The following GRIA1 variants were observed in gnomAD, a reference collection of about 807,000 sequenced individuals.
GRIA1 encodes glutamate ionotropic receptor AMPA type subunit 1.
Under a neutral mutation model 99.2 loss-of-function variants are expected in GRIA1, and 31 were observed. The observed-to-expected ratio is 0.31, with a 90% CI of 0.23 to 0.42. GRIA1 has a LOEUF of 0.42. Among genes scored for constraint, GRIA1 ranks in the 10% least tolerant of loss-of-function variants. GRIA1 has a pLI of 1.00. For synonymous variants in GRIA1, 438 were observed against 432.4 expected, an observed-to-expected ratio of 1.01 and a Z score of -0.16; for missense variants, 782 against 1,157.5, an observed-to-expected ratio of 0.68 and a Z score of 4.71.
intron 13 of GRIA1, among the ~76,000 whole-genome samples, chr5:153,788,369 T>A (rs980791002): frequency 1.3e-5 from 2 of 152,170 alleles, no homozygotes; most frequent in Non-Finnish European, 2.9e-5. Context: ...CTTGCCTCCC[T>A]TTAGTCCCTT....
intron 5 of GRIA1, among the ~76,000 whole-genome samples, chr5:153,665,361 G>A (rs1025928231): frequency 2.0e-5 from 3 of 152,136 alleles, no homozygotes; most frequent in Non-Finnish European, 4.4e-5. Flanking sequence ...AAATGTAACT[G>A]GATAAGTCAA....
At chr5:153,556,868 T>G (rs1760692194) in intron 2 of GRIA1, among the ~76,000 whole-genome samples, 1 of 152,204 alleles carries the variant, frequency 6.6e-6, no homozygotes, top group Non-Finnish European at 1.5e-5. Context: ...TGCTTGAATA[T>G]CACAGAGTGT....
At chr5:153,746,193 G>A (rs1472478134) in intron 11 of GRIA1, among the ~76,000 whole-genome samples, 1 of 152,074 alleles carries the variant, frequency 6.6e-6, no homozygotes, top group Non-Finnish European at 1.5e-5. Context: ...TGAAGAATTG[G>A]CTGGGGAGTT....
At chr5:153,646,691 G>A (rs1040143294) in intron 2 of GRIA1, among the ~76,000 whole-genome samples, 28 of 152,166 alleles carry the variant, frequency 1.8e-4, no homozygotes, top group Admixed American at 3.9e-4. Context: ...ATGAGGCATC[G>A]AACAGGTGAA....
chr5:153,768,304 G>A (rs1299622950), intron 12 of GRIA1, among the ~76,000 whole-genome samples: 1 of 152,040 alleles, frequency 6.6e-6, no homozygotes, highest in Non-Finnish European at 1.5e-5. Context: ...TTCAGGTAAA[G>A]AATCAGATAC....
At chr5:153,505,376 T>C (rs1191787964) in intron 2 of GRIA1, among the ~76,000 whole-genome samples, 1 of 152,176 alleles carries the variant, frequency 6.6e-6, no homozygotes, top group African/African-American at 2.4e-5. Flanking sequence ...ACTTCCTGCT[T>C]CATTAATGTC....
chr5:153,594,520 T>TA (rs1436175098), intron 2 of GRIA1, among the ~76,000 whole-genome samples: 4 of 152,224 alleles, frequency 2.6e-5, no homozygotes, highest in African/African-American at 9.6e-5. Flanking sequence ...ATTCATACTC[T>TA]AGAATGAGTG....
chr5:153,501,356 T>C (rs1217735714), intron 2 of GRIA1, among the ~76,000 whole-genome samples: 1 of 152,154 alleles, frequency 6.6e-6, no homozygotes, highest in African/African-American at 2.4e-5. Context: ...GCCATGATTC[T>C]ATGAAAGCAT....
At chr5:153,807,932 A>C (rs1040878623) in intron 15 of GRIA1, among the ~76,000 whole-genome samples, 1 of 152,230 alleles carries the variant, frequency 6.6e-6, no homozygotes, top group African/African-American at 2.4e-5. Context: ...AACATAGGGC[A>C]TGTTTAAGCT....
At chr5:153,660,328 T>C (rs984674785) in intron 5 of GRIA1, among the ~76,000 whole-genome samples, 1 of 152,198 alleles carries the variant, frequency 6.6e-6, no homozygotes, top group Non-Finnish European at 1.5e-5. Context: ...AACACTTAAA[T>C]GCATGTCAAT....
At chr5:153,571,498 AT>A (rs1270789846) in intron 2 of GRIA1, among the ~76,000 whole-genome samples, 2 of 152,108 alleles carry the variant, frequency 1.3e-5, no homozygotes, top group Non-Finnish European at 2.9e-5. Context: ...ATTTCATATA[AT>A]TTTCATGTGT....
chr5:153,774,797 C>T (rs184800548), intron 13 of GRIA1, among the ~76,000 whole-genome samples: 1 of 152,238 alleles, frequency 6.6e-6, no homozygotes, highest in African/African-American at 2.4e-5. Context: ...GTCTACTTGG[C>T]AGAAGCCAGG....
intron 12 of GRIA1, among the ~76,000 whole-genome samples, chr5:153,769,061 C>T (rs1027431030): frequency 2.0e-5 from 3 of 152,108 alleles, no homozygotes; most frequent in African/African-American, 7.2e-5. Flanking sequence ...GAAGACATTC[C>T]CTCAGGTAGC....
chr5:153,629,385 T>C lies in GRIA1; in HGVS notation c.221-17543T>C, dbSNP rs1338729571. Among the ~76,000 whole-genome samples the C allele has an allele frequency of 3.9e-5, 6 of 152,316 alleles. No homozygotes were observed. The South Asian group carries it at 1.2e-3, about 32-fold the overall frequency. On this transcript the variant is annotated intron_variant, in intron 2 of 15. Coordinates refer to ENST00000285900, the MANE Select transcript of GRIA1 (RefSeq NM_000827.4). ...TGAGAAGATTGGAAACACTTTAAAC[T>C]GTCTCAGCATTGAAGAAAGTGAGAA...
At chr5:153,719,284 G>A (rs1300356158) in intron 11 of GRIA1, among the ~76,000 whole-genome samples, 3 of 151,848 alleles carry the variant, frequency 2.0e-5, no homozygotes, top group Admixed American at 6.6e-5. Context: ...CACTATTGCT[G>A]TATAACAAAC....
At chr5:153,778,624 T>C (rs1320380277) in intron 13 of GRIA1, among the ~76,000 whole-genome samples, 1 of 148,936 alleles carries the variant, frequency 6.7e-6, no homozygotes, top group Non-Finnish European at 1.5e-5. Context: ...ATTCAGATAA[T>C]AAAGATTATT....
At chr5:153,702,077 T>TGAA (rs2149516897) in intron 10 of GRIA1, among the ~76,000 whole-genome samples, 1 of 152,322 alleles carries the variant, frequency 6.6e-6, no homozygotes, top group East Asian at 1.9e-4. Context: ...ACACAGCTAG[T>TGAA]GAAAGCAGAG....
intron 2 of GRIA1, among the ~76,000 whole-genome samples, chr5:153,622,045 A>G (rs1038431337): frequency 6.6e-6 from 1 of 152,140 alleles, no homozygotes; most frequent in African/African-American, 2.4e-5. Context: ...TATCACCTTT[A>G]TTTTATGATC....
At chr5:153,631,378 A>G (rs1342949014) in intron 2 of GRIA1, among the ~76,000 whole-genome samples, 1 of 152,266 alleles carries the variant, frequency 6.6e-6, no homozygotes, top group Admixed American at 6.5e-5. Context: ...CTGGTGGCAT[A>G]CCAGAATCAA....
Sources: gnomAD v4.1 joint callset for allele counts (sites outside exome capture counted in the v4.1 genomes callset) on GRCh38, gnomAD v4.1.1 for gene constraint, MANE v1.5 for transcripts, NCBI Gene and HGNC (gene_info 2026-07-23, HGNC 2026-07-21) for gene names.